Variants in EIF2AK2 observed in about 807,000 individuals in gnomAD.
EIF2AK2 encodes the protein eukaryotic translation initiation factor 2 alpha kinase 2.
EIF2AK2 carries 40 observed loss-of-function variants against 70.5 expected under a neutral mutation model. The observed-to-expected ratio is 0.57, with a 90% CI of 0.44 to 0.74. EIF2AK2 has a LOEUF of 0.74. EIF2AK2 is among the 30% of genes least tolerant of loss of function. EIF2AK2 has a pLI of 0.00. For synonymous variants in EIF2AK2, 198 were observed against 220.9 expected (o/e 0.90, Z 0.92); for missense variants, 555 against 644.3 (o/e 0.86, Z 1.50).
At chr2:37,120,438 C>T (rs1393111952) in intron 12 of EIF2AK2, among the ~76,000 whole-genome samples, 4 of 128,758 alleles carry the variant, frequency 3.1e-5, no homozygotes, top group African/African-American at 1.2e-4. Flanking sequence ...ACCCGGTAGG[C>T]GGAGCTTGCA....
intron 5 of EIF2AK2, 102 bp downstream of exon 5, chr2:37,141,451 T>C (rs1675327192): frequency 7.2e-7 from 1 of 1,379,844 alleles, no homozygotes; most frequent in Non-Finnish European, 1.0e-6. Context: ...GCATACAGAA[T>C]GCTTAAAAGG....
intron 10 of EIF2AK2, among the ~76,000 whole-genome samples, chr2:37,127,945 T>C (rs369192278): frequency 1.3e-5 from 2 of 152,188 alleles, no homozygotes; most frequent in Non-Finnish European, 2.9e-5. Context: ...TTTCACCATG[T>C]TGGCCAGGCT....
intron 9 of EIF2AK2, chr2:37,136,771 C>T: frequency 2.6e-6 from 1 of 378,778 alleles, no homozygotes; most frequent in South Asian, 4.9e-5. Flanking sequence ...CTAGCGATAC[C>T]CCCAAAGTGC....
At chr2:37,110,596 GT>G (rs1674111430) in intron 14 of EIF2AK2, among the ~76,000 whole-genome samples, 1 of 152,146 alleles carries the variant, frequency 6.6e-6, no homozygotes, top group African/African-American at 2.4e-5. Context: ...AAAGGAAAAA[GT>G]ACATGCCTTC....
chr2:37,138,225 C>T (rs1434465743), intron 8 of EIF2AK2, 45 bp downstream of exon 8: 5 of 1,442,598 alleles, frequency 3.5e-6, no homozygotes, highest in African/African-American at 2.9e-5. Context: ...AGGAAACGCA[C>T]AGAAAAATAA....
chr2:37,156,265 C>T (rs1470867063), intron 1 of EIF2AK2, among the ~76,000 whole-genome samples: 1 of 152,152 alleles, frequency 6.6e-6, no homozygotes, highest in African/African-American at 2.4e-5. Flanking sequence ...TGCGAGGGGC[C>T]TTGCCTGTGA....
Position 37,147,696 on chromosome 2 carries a change from A to G in EIF2AK2, c.111T>C (p.His37=). 13 of 1,600,630 alleles carry G rather than the reference A, an allele frequency of 8.1e-6. No individual in the cohort carries two copies. Among genetic ancestry groups the G allele is most frequent in the Non-Finnish European group, 1.1e-5 (13 of 1,168,260 alleles). Residue 37 remains histidine (H), a synonymous_variant, in exon 3 of 17, where the codon CAT becomes CAC. Coordinates refer to ENST00000233057, the MANE Select transcript of EIF2AK2 (RefSeq NM_001135651.3). ...TTTTTATAGCAACCTACCTCCTATC[A>G]TGTGGAGGTCCTGAATTAGGCAGTT... is the stretch of plus-strand genomic sequence containing the variant. ...YQELPNSGPP[H]DRRFTFQVII...
intron 4 of EIF2AK2, among the ~76,000 whole-genome samples, chr2:37,144,665 C>T (rs1240929969): frequency 6.6e-6 from 1 of 151,208 alleles, no homozygotes; most frequent in Non-Finnish European, 1.5e-5. Flanking sequence ...CTCACTGCAG[C>T]CCTGACCTCT....
chr2:37,135,434 T>A lies in EIF2AK2; in HGVS notation c.785+50A>T, dbSNP rs199683272. 1.9e-4 allele frequency: 277 copies of A among 1,481,450 alleles called. 1 individual carries two copies. The highest frequency in any genetic ancestry group is 2.0e-4 in the Non-Finnish European group (220 of 1,084,520). 91.8% of individuals were successfully genotyped at this position (1,481,450 alleles called of 1,614,324 possible). ...ATTTCACAGACAACTACCAAAAACATCCACCGACAGCATTACCCCTTCTTC... is the reference window on the plus strand; with the variant it reads ...ATTTCACAGACAACTACCAAAAACAACCACCGACAGCATTACCCCTTCTTC... On this transcript the variant is annotated intron_variant, in intron 10 of 16. Transcript: ENST00000233057.
At chr2:37,151,884 G>C (rs1011760659) in intron 1 of EIF2AK2, among the ~76,000 whole-genome samples, 6 of 152,232 alleles carry the variant, frequency 3.9e-5, no homozygotes, top group African/African-American at 1.4e-4. Flanking sequence ...CGAGACCACG[G>C]TGAAACCTCG....
intron 14 of EIF2AK2, among the ~76,000 whole-genome samples, chr2:37,111,461 G>A (rs1381586157): frequency 1.3e-5 from 2 of 148,558 alleles, no homozygotes; most frequent in African/African-American, 2.5e-5. Flanking sequence ...GTGCAATGGC[G>A]CGATCTCAGC....
In EIF2AK2 at chr2:37,099,347, T is replaced by G. The variant is rs1362966342; in HGVS notation, c.*7926A>C. 3 of 152,234 alleles carry G rather than the reference T, an allele frequency of 2.0e-5. No homozygotes were observed. Among genetic ancestry groups the G allele is most frequent in the African/African-American group, 7.2e-5 (3 of 41,470 alleles). 9.4% of individuals were successfully genotyped at this position (152,234 alleles called of 1,614,324 possible). A position where few individuals can be genotyped will look rare whatever the true frequency, so the allele number is the denominator to read the frequency against. On this transcript the variant is annotated 3_prime_UTR_variant, in exon 17 of 17. Transcript: ENST00000233057. ...ATTCTTAACTTTTGAGTTCCTGCTT[T>G]CTTCACAGCAGTGCACTCACTACTT...
intron 4 of EIF2AK2, among the ~76,000 whole-genome samples, chr2:37,146,244 T>TGG: frequency 6.6e-6 from 1 of 152,322 alleles, no homozygotes. Context: ...CATTCAGGAT[T>TGG]GTGTAAGTAC....
At chr2:37,154,586 G>A (rs1675856776) in intron 1 of EIF2AK2, among the ~76,000 whole-genome samples, 1 of 152,066 alleles carries the variant, frequency 6.6e-6, no homozygotes, top group Non-Finnish European at 1.5e-5. Context: ...TTGAGACAGA[G>A]TTTCGCTCTT....
rs545730284 is a variant in EIF2AK2, at chr2:37,145,444, C to T, written c.240+1409G>A. 1.6e-4 allele frequency among the ~76,000 whole-genome samples: 25 copies of T among 151,652 alleles called. 2 individuals are homozygous for T. In the East Asian group the frequency reaches 2.9e-3, roughly 18 times the overall value. On this transcript the variant is annotated intron_variant, in intron 4 of 16. Transcript: ENST00000233057. ...AGGCATGAGCCACCGCGCCTGGCCG[C>T]GTTTGTGTTTTAGGCTAAGTGTTAT...
In EIF2AK2 at chr2:37,099,916, T is replaced by C. The variant is rs540216290; in HGVS notation, c.*7357A>G. On this transcript the variant is annotated 3_prime_UTR_variant, in exon 17 of 17. Transcript: ENST00000233057. ...AAGACCACATGTATGATTCCATTTATATGAAATGTCTAGCATGGGCAAATC... is the reference window on the plus strand; with the variant it reads ...AAGACCACATGTATGATTCCATTTACATGAAATGTCTAGCATGGGCAAATC... 6.6e-6 allele frequency: 1 copy of C among 152,360 alleles called. No individual in the cohort carries two copies. Among genetic ancestry groups the C allele is most frequent in the African/African-American group, 2.4e-5 (1 of 41,594 alleles). 9.4% of individuals were successfully genotyped at this position (152,360 alleles called of 1,614,324 possible).
At position 37,138,360 on chromosome 2, in the gene EIF2AK2, A is replaced by G. The variant is rs1176833341; in HGVS notation, c.597T>C (p.Ala199=). 1.9e-6 allele frequency: 3 copies of G among 1,613,302 alleles called. No individual in the cohort carries two copies. The highest frequency in any genetic ancestry group is 2.2e-5 in the East Asian group (1 of 44,840). Residue 199 remains alanine, a synonymous_variant, in exon 8 of 17, where the codon GCT becomes GCC. Transcript: ENST00000233057. ...AGTCACCTTCAGATGATGATTCAGA[A>G]GCGCTAGAAGAAAAGGGTGTAACTA... ...QSNSLVTSTL[A]SESSSEGDFS...
chr2:37,131,048 T>G (rs898367139), intron 10 of EIF2AK2, among the ~76,000 whole-genome samples: 1 of 152,230 alleles, frequency 6.6e-6, no homozygotes, highest in African/African-American at 2.4e-5. Flanking sequence ...AAGGGACTTA[T>G]TTTCTTTCCT....
chr2:37,145,706 A>G (rs1223945198), intron 4 of EIF2AK2, among the ~76,000 whole-genome samples: 2 of 138,552 alleles, frequency 1.4e-5, no homozygotes, highest in Non-Finnish European at 3.1e-5. Context: ...CTATTTATGC[A>G]TGGTATGTGC....
Sources: allele counts gnomAD v4.1 joint callset (sites outside exome capture counted in the v4.1 genomes callset), GRCh38; gene constraint gnomAD v4.1.1; transcripts MANE v1.5; gene names NCBI Gene and HGNC (gene_info 2026-07-23, HGNC 2026-07-21).